Variants in ZNF577 observed in about 807,000 individuals in gnomAD.
ZNF577 encodes the protein zinc finger protein 577.
Under a neutral mutation model 13.9 loss-of-function variants are expected in ZNF577, and 14 were observed. The ratio of observed to expected loss-of-function variants is 1.00; its 90% CI spans 0.66 to 1.57. The LOEUF (loss-of-function observed/expected upper bound fraction) is 1.57, where lower values mean the gene tolerates loss of function less well. Ranked by LOEUF, ZNF577 falls within the 40% of genes most tolerant of loss-of-function variation. ZNF577 has a pLI of 0.00. For synonymous variants in ZNF577, 203 were observed against 202.9 expected, an observed-to-expected ratio of 1.00 and a Z score of 0.00; for missense variants, 555 against 579.2, an observed-to-expected ratio of 0.96 and a Z score of 0.43.
chr19:51,824,877 A>G lies in ZNF577; in HGVS notation c.*600-13203T>C. 1 of 1,289,924 alleles carries G rather than the reference A, an allele frequency of 7.8e-7. No homozygotes were observed. Among genetic ancestry groups the G allele is most frequent in the Admixed American group, 2.7e-5 (1 of 36,940 alleles). 79.9% of individuals were successfully genotyped at this position (1,289,924 alleles called of 1,614,324 possible). On this transcript the variant is annotated intron_variant and NMD_transcript_variant, in intron 9 of 10. Coordinates refer to the ZNF577 transcript ENST00000638827. This position sits in a 1 kb window ranked among gnomAD's most constrained non-coding sequence, Gnocchi z 4.7. ...TTAAGCGGAAAAAAAAAATTCTGAC[A>G]GTGTTTTTCTTCCTCTTTCATACCA...
chr19:51,846,281 T>C, intron 5 of ZNF577, among the ~76,000 whole-genome samples: 1 of 152,358 alleles, frequency 6.6e-6, no homozygotes, highest in South Asian at 2.1e-4. Context: ...ATAAAAGGTA[T>C]ACATTTGCAT....
chr19:51,884,796 G>T (rs868598519), intron 1 of ZNF577, among the ~76,000 whole-genome samples: 2 of 152,264 alleles, frequency 1.3e-5, no homozygotes, highest in Middle Eastern at 3.4e-3. Context: ...TTATTAAAAT[G>T]CAATTGAAAA....
intron 9 of ZNF577, among the ~76,000 whole-genome samples, chr19:51,820,962 A>G (rs2084183778): frequency 6.6e-6 from 1 of 152,222 alleles, no homozygotes; most frequent in Non-Finnish European, 1.5e-5. Context: ...TTGGCATGTG[A>G]GTAATGTTCA....
chr19:51,815,640 G>A (rs2084130020), intron 9 of ZNF577, among the ~76,000 whole-genome samples: 1 of 151,830 alleles, frequency 6.6e-6, no homozygotes, highest in Non-Finnish European at 1.5e-5. Context: ...GGCCAAGGTG[G>A]GCAGATCGCT....
Position 51,824,613 on chromosome 19 carries a change from T to C in ZNF577, c.*600-12939A>G. The C allele has an allele frequency of 6.2e-7, 1 of 1,614,142 alleles. No homozygotes were observed. The highest frequency in any genetic ancestry group is 8.5e-7 in the Non-Finnish European group (1 of 1,180,012). Reference sequence around the variant, plus strand: ...TCTTGTCCTGATTAACCCAACAAGCTCCTTGGCCTTTTTTAACAGCTGCCT... The same window carrying C: ...TCTTGTCCTGATTAACCCAACAAGCCCCTTGGCCTTTTTTAACAGCTGCCT... On this transcript the variant is annotated intron_variant and NMD_transcript_variant, in intron 9 of 10. Coordinates refer to the ZNF577 transcript ENST00000638827. The surrounding 1 kb of genome is among the most constrained non-coding windows in gnomAD (Gnocchi z 4.7).
chr19:51,823,847 C>T (rs149153203), intron 9 of ZNF577: 25 of 1,614,018 alleles, frequency 1.5e-5, no homozygotes, highest in East Asian at 1.1e-4. Context: ...TGCTAGTCCA[C>T]GGAGTCACCT....
intron 9 of ZNF577, chr19:51,823,716 T>G (rs2084207730): frequency 6.6e-7 from 1 of 1,513,558 alleles, no homozygotes; most frequent in East Asian, 2.3e-5. Context: ...AGCTGAGAAA[T>G]GGCCATTGCT....
chr19:51,882,483 A>T (rs927019756), intron 1 of ZNF577, among the ~76,000 whole-genome samples: 16 of 93,592 alleles, frequency 1.7e-4, no homozygotes, highest in African/African-American at 9.3e-4. Context: ...ATCCAATAAA[A>T]AAAAAAAAAA....
chr19:51,841,156 T>C (rs1020203988), intron 8 of ZNF577, among the ~76,000 whole-genome samples: 1 of 152,170 alleles, frequency 6.6e-6, no homozygotes, highest in Non-Finnish European at 1.5e-5. Context: ...TGGGAGAAAG[T>C]GCAAGGAACA....
Position 51,878,448 on chromosome 19 carries a change from G to A in ZNF577, c.128C>T (p.Ser43Phe). Residue 43 changes from serine (S) to phenylalanine (F), a missense_variant, in exon 4 of 6, where the codon TCT becomes TTT. By Grantham distance (155) the Ser-to-Phe change is radical. Coordinates refer to ENST00000638348, the MANE Select transcript of ZNF577 (RefSeq NM_001370449.1). ...TACTTCCTTGTACAAGACCTTCTGA[G>A]ACTGGTCCAAAAACTGCCACTCCTC... ...TREEWQFLDQSQKVLYKEVML... is the reference protein window; with the variant it reads ...TREEWQFLDQFQKVLYKEVML... 2 of 1,614,078 alleles carry A rather than the reference G, an allele frequency of 1.2e-6. No homozygotes were observed. The highest frequency in any genetic ancestry group is 1.7e-6 in the Non-Finnish European group (2 of 1,179,996).
Position 51,872,336 on chromosome 19 carries a change from C to T in ZNF577, c.*196G>A. The T allele has an allele frequency of 2.0e-6, 1 of 498,144 alleles. No homozygotes were observed. Among genetic ancestry groups the T allele is most frequent in the East Asian group, 3.3e-5 (1 of 30,728 alleles). The allele number at this position is 498,144 out of a possible 1,614,324, so 30.9% of individuals were successfully genotyped here. On this transcript the variant is annotated 3_prime_UTR_variant, in exon 6 of 6. Transcript: ENST00000638348. Reference sequence around the variant, plus strand: ...TTGATACCAATTGAGATATCATCTCCAGGTAAAGACTTCCTCATAACAGCT... The same window carrying T: ...TTGATACCAATTGAGATATCATCTCTAGGTAAAGACTTCCTCATAACAGCT...
chr19:51,815,340 T>A (rs1003016009), intron 9 of ZNF577, among the ~76,000 whole-genome samples: 1 of 151,960 alleles, frequency 6.6e-6, no homozygotes, highest in Non-Finnish European at 1.5e-5. Context: ...GGTGGGTGGA[T>A]CTCAAAGTCA....
intron 1 of ZNF577, 100 bp downstream of exon 1, chr19:51,886,721 A>C (rs1327641132): frequency 6.6e-6 from 1 of 152,256 alleles, no homozygotes; most frequent in African/African-American, 2.4e-5. Flanking sequence ...AACATACTTA[A>C]AGAACATTTG....
At chr19:51,834,584 A>G (rs943831046) in intron 9 of ZNF577, among the ~76,000 whole-genome samples, 49 of 152,196 alleles carry the variant, frequency 3.2e-4, no homozygotes, top group African/African-American at 1.1e-3. Context: ...TAAATAACCC[A>G]TGGGCCAAAT....
At position 51,868,855 on chromosome 19, in the gene ZNF577, G is replaced by A. The variant is rs1287902752; in HGVS notation, c.*3677C>T. On this transcript the variant is annotated 3_prime_UTR_variant, in exon 6 of 6. Coordinates refer to ENST00000638348, the MANE Select transcript of ZNF577 (RefSeq NM_001370449.1). The stretch of plus-strand genomic sequence containing the variant: ...TAACCCTAGCCTCAACCCTGTGCTC[G>A]CAGAAACATGTGCTGTGTTGACTCA... 1.3e-5 allele frequency among the ~76,000 whole-genome samples: 2 copies of A among 152,184 alleles called. No homozygotes were observed. The highest frequency in any genetic ancestry group is 4.1e-4 in the South Asian group (2 of 4,828).
At chr19:51,814,726 C>T (rs893404181) in intron 9 of ZNF577, among the ~76,000 whole-genome samples, 3 of 152,084 alleles carry the variant, frequency 2.0e-5, no homozygotes, top group African/African-American at 7.2e-5. Context: ...ACTCCTGACT[C>T]GGGTGATCTG....
At chr19:51,815,318 C>G (rs1156679125) in intron 9 of ZNF577, among the ~76,000 whole-genome samples, 1 of 151,996 alleles carries the variant, frequency 6.6e-6, no homozygotes, top group East Asian at 1.9e-4. Flanking sequence ...TCCCAGCACT[C>G]TCGAAGGCCG....
At chr19:51,817,329 A>G (rs1196240151) in intron 9 of ZNF577, among the ~76,000 whole-genome samples, 1 of 152,158 alleles carries the variant, frequency 6.6e-6, no homozygotes, top group African/African-American at 2.4e-5. Flanking sequence ...CACTCATACT[A>G]AAGTTCTATG....
intron 10 of ZNF577, among the ~76,000 whole-genome samples, chr19:51,809,124 C>A (rs531866120): frequency 2.6e-5 from 4 of 152,352 alleles, no homozygotes; most frequent in Admixed American, 2.6e-4. Flanking sequence ...CATTTTAAAT[C>A]CTGGGTTATC....
Sources: allele counts gnomAD v4.1 joint callset (sites outside exome capture counted in the v4.1 genomes callset), GRCh38; gene constraint gnomAD v4.1.1; non-coding constraint Gnocchi (gnomAD v3.1); transcripts MANE v1.5; gene names NCBI Gene and HGNC (gene_info 2026-07-23, HGNC 2026-07-21).